The following PCDH15 variants were observed in gnomAD, a reference collection of about 807,000 sequenced individuals.
PCDH15 encodes protocadherin-15.
PCDH15 carries 129 observed loss-of-function variants against 178.5 expected under a neutral mutation model. That is an observed-to-expected ratio of 0.72 (90% CI 0.63 to 0.84). The LOEUF (loss-of-function observed/expected upper bound fraction) is 0.84, where lower values mean the gene tolerates loss of function less well. Among genes scored for constraint, PCDH15 ranks in the 40% least tolerant of loss-of-function variants. The pLI is 0.00. For missense variants in PCDH15, 2,230 were observed against 2,099.9 expected (o/e 1.06, Z -1.21); for synonymous variants, 800 against 732.0 (o/e 1.09, Z -1.50).
intron 3 of PCDH15, among the ~76,000 whole-genome samples, chr10:54,430,370 C>T (rs957014999): frequency 2.6e-5 from 4 of 152,036 alleles, no homozygotes; most frequent in African/African-American, 9.7e-5. Flanking sequence ...ACACATTTTT[C>T]TCTTCAGCAC....
chr10:55,459,241 A>AAAAAAG lies in PCDH15; in HGVS notation c.-156+168383_-156+168384insCTTTTT, dbSNP rs10647110. On this transcript the variant is annotated intron_variant, in intron 2 of 5. Transcript: ENST00000613346. ...CGAGTGTCCTTGGAGGCAAAAAAAA[A>AAAAAAG]AAAGAAGGAAAGAAAAAAATAAATC... is the stretch of plus-strand genomic sequence containing the variant. Among the ~76,000 whole-genome samples the AAAAAAG allele has an allele frequency of 1.9e-4, 25 of 134,220 alleles. 2 individuals are homozygous for AAAAAAG. The highest frequency in any genetic ancestry group is 2.9e-4 in the Non-Finnish European group (19 of 64,596). The allele number at this position is 134,220 out of a possible 152,430, so 88.1% of individuals were successfully genotyped here. A position where few individuals can be genotyped will look rare whatever the true frequency, so the allele number is the denominator to read the frequency against.
At chr10:55,141,971 G>T (rs182727876) in intron 2 of PCDH15, among the ~76,000 whole-genome samples, 20 of 152,122 alleles carry the variant, frequency 1.3e-4, no homozygotes, top group African/African-American at 4.1e-4. Flanking sequence ...CACATTCTGA[G>T]ACTTTATTGA....
intron 2 of PCDH15, chr10:54,599,773 G>T: frequency 1.9e-6 from 1 of 521,214 alleles, no homozygotes; most frequent in South Asian, 1.8e-5. Context: ...TGATAAGTTA[G>T]ACCAAGCTGA....
chr10:53,981,766 C>G (rs1013590140), intron 21 of PCDH15, among the ~76,000 whole-genome samples: 10 of 151,334 alleles, frequency 6.6e-5, no homozygotes, highest in African/African-American at 2.2e-4. Flanking sequence ...TGGGCAAGGA[C>G]TTCATGTCTA....
chr10:54,311,332 A>C (rs1380778506), intron 8 of PCDH15, among the ~76,000 whole-genome samples: 1 of 152,088 alleles, frequency 6.6e-6, no homozygotes, highest in Non-Finnish European at 1.5e-5. Flanking sequence ...AAAAGAAAAA[A>C]CAGCCAACCA....
intron 5 of PCDH15, among the ~76,000 whole-genome samples, chr10:54,362,209 A>G (rs1270283335): frequency 3.9e-5 from 6 of 152,042 alleles, no homozygotes; most frequent in Non-Finnish European, 5.9e-5. Flanking sequence ...AGGAGGTATG[A>G]TATCAGAAAT....
intron 3 of PCDH15, among the ~76,000 whole-genome samples, chr10:54,398,263 T>C (rs1951497439): frequency 6.6e-6 from 1 of 151,862 alleles, no homozygotes; most frequent in South Asian, 2.1e-4. Flanking sequence ...AAAAAAACAC[T>C]ATGGAAGAAA....
chr10:55,071,303 C>T (rs1004924546), intron 2 of PCDH15, among the ~76,000 whole-genome samples: 8 of 149,610 alleles, frequency 5.3e-5, no homozygotes, highest in African/African-American at 7.4e-5. Context: ...CACAGACTGG[C>T]AAATTGGACA....
rs111249315 is a variant in PCDH15 at position 53,973,359 on chromosome 10, G to A, written c.2869-11467C>T. 4.9e-3 allele frequency among the ~76,000 whole-genome samples: 743 copies of A among 151,820 alleles called. 3 individuals carry two copies. Among genetic ancestry groups the A allele is most frequent in the Non-Finnish European group, 9.1e-3 (621 of 67,956 alleles). ...TAATGTAAATCTCGAGTTAATGGGTGCAGCACACCAACGTGGCACATGTAT... is the reference window on the plus strand; with the variant it reads ...TAATGTAAATCTCGAGTTAATGGGTACAGCACACCAACGTGGCACATGTAT... On this transcript the variant is annotated intron_variant, in intron 21 of 37. Coordinates refer to ENST00000644397, the MANE Select transcript of PCDH15 (RefSeq NM_001384140.1).
At chr10:54,095,114 A>T (rs2094677599) in intron 15 of PCDH15, among the ~76,000 whole-genome samples, 1 of 152,204 alleles carries the variant, frequency 6.6e-6, no homozygotes, top group Admixed American at 6.6e-5. Context: ...TCTAAAATAG[A>T]TAAAAATCAA....
intron 2 of PCDH15, among the ~76,000 whole-genome samples, chr10:55,562,853 C>T (rs922377700): frequency 5.3e-5 from 8 of 151,950 alleles, no homozygotes; most frequent in Non-Finnish European, 2.9e-5. Context: ...GAAAAGCAAG[C>T]ACTGGAAATC....
chr10:55,227,647 G>C (rs1295623713), intron 1 of PCDH15, among the ~76,000 whole-genome samples: 1 of 152,036 alleles, frequency 6.6e-6, no homozygotes, highest in African/African-American at 2.4e-5. Context: ...TGAGAACTAA[G>C]AAAAGTATAA....
At chr10:54,156,726 CTCAAAAGTCCACAG>C (rs959576741) in intron 13 of PCDH15, among the ~76,000 whole-genome samples, 14 of 152,178 alleles carry the variant, frequency 9.2e-5, no homozygotes, top group African/African-American at 3.4e-4. Flanking sequence ...TCAGCATTAA[CTCAAAAGTCCACAG>C]TCAAAAGTCC....
chr10:54,371,273 A>C (rs1183917956), intron 4 of PCDH15, among the ~76,000 whole-genome samples: 1 of 151,838 alleles, frequency 6.6e-6, no homozygotes, highest in African/African-American at 2.4e-5. Context: ...TGTAATTGTG[A>C]AATTTTGATA....
intron 2 of PCDH15, among the ~76,000 whole-genome samples, chr10:55,501,931 C>T (rs1017749843): frequency 6.6e-6 from 1 of 151,622 alleles, no homozygotes; most frequent in Non-Finnish European, 1.5e-5. Flanking sequence ...AACAAGGCAA[C>T]TTACTATATA....
intron 3 of PCDH15, among the ~76,000 whole-genome samples, chr10:54,853,318 T>TATATATATATATATATAC (rs1194965974): frequency 4.9e-5 from 5 of 102,042 alleles, no homozygotes; most frequent in Non-Finnish European, 7.3e-5. Flanking sequence ...TATATATATA[T>TATATATATATATATATAC]ACATACACAC....
chr10:55,200,065 T>C (rs970297116), intron 1 of PCDH15, among the ~76,000 whole-genome samples: 3 of 152,086 alleles, frequency 2.0e-5, no homozygotes, highest in African/African-American at 7.3e-5. Flanking sequence ...GGGAACTGGC[T>C]TGTGGACCTG....
chr10:54,967,173 C>G (rs930733248), intron 2 of PCDH15, among the ~76,000 whole-genome samples: 1 of 152,168 alleles, frequency 6.6e-6, no homozygotes, highest in African/African-American at 2.4e-5. Flanking sequence ...ACAGTGGCTA[C>G]AAAGTCACTA....
intron 2 of PCDH15, among the ~76,000 whole-genome samples, chr10:54,998,662 T>G (rs2131926772): frequency 6.6e-6 from 1 of 152,276 alleles, no homozygotes; most frequent in South Asian, 2.1e-4. Context: ...TGGCAATTCT[T>G]TTTTTAATAT....
Sources: allele counts gnomAD v4.1 joint callset (sites outside exome capture counted in the v4.1 genomes callset), GRCh38; gene constraint gnomAD v4.1.1; transcripts MANE v1.5; gene names NCBI Gene and HGNC (gene_info 2026-07-23, HGNC 2026-07-21).